Variants in ABCB11 observed in about 807,000 individuals in gnomAD.
ABCB11 encodes bile salt export pump.
In ABCB11, 95 loss-of-function variants were observed where a neutral mutation model predicts 148.0. That is an observed-to-expected ratio of 0.64 (90% CI 0.54 to 0.76). The LOEUF is 0.76. Among genes scored for constraint, ABCB11 ranks in the 30% least tolerant of loss-of-function variants. ABCB11 has a pLI of 0.00. For missense variants in ABCB11, 1,523 were observed against 1,617.8 expected, an observed-to-expected ratio of 0.94 and a Z score of 1.01; for synonymous variants, 591 against 555.4, an observed-to-expected ratio of 1.06 and a Z score of -0.90.
rs984516841 is a variant in ABCB11, at chr2:169,029,860, C to T, written c.-28+1365G>A. On this transcript the variant is annotated intron_variant, in intron 1 of 27. Coordinates refer to ENST00000650372, the MANE Select transcript of ABCB11 (RefSeq NM_003742.4). ...GGTTCACGCCATTCTCCTGCCTCAG[C>T]CTCCCGAGTAGCTGGGACTACAGGC... Among the ~76,000 whole-genome samples, 6 of 145,102 alleles carry T rather than the reference C, an allele frequency of 4.1e-5. 1 individual carries two copies. Among genetic ancestry groups the T allele is most frequent in the Non-Finnish European group, 9.0e-5 (6 of 66,500 alleles).
chr2:168,990,877 C>T lies in ABCB11; in HGVS notation c.832G>A (p.Gly278Arg). The T allele has an allele frequency of 2.5e-6, 4 of 1,613,222 alleles. No individual in the cohort carries two copies. Among genetic ancestry groups the T allele is most frequent in the Non-Finnish European group, 3.4e-6 (4 of 1,179,404 alleles). ...DYELKAYAKA[G>R]VVADEVISSM... Reference sequence around the variant, plus strand: ...GAAATGACTTCATCAGCCACCACCCCTGCTTTGGCATAGGCCTTCAGCTCA... The same window carrying T: ...GAAATGACTTCATCAGCCACCACCCTTGCTTTGGCATAGGCCTTCAGCTCA... The change falls in exon 9 of 28, where the codon GGG (glycine) becomes AGG (arginine). Residue 278 changes from glycine to arginine, a missense_variant. Physicochemically the swap from Gly to Arg is moderately radical, Grantham distance 125. Coordinates refer to ENST00000650372, the MANE Select transcript of ABCB11 (RefSeq NM_003742.4).
At chr2:168,955,520 G>A (rs959131709) in intron 19 of ABCB11, among the ~76,000 whole-genome samples, 4 of 151,518 alleles carry the variant, frequency 2.6e-5, no homozygotes, top group Non-Finnish European at 5.9e-5. Flanking sequence ...AACAGCAAGG[G>A]GGAAATCTCC....
chr2:169,023,364 G>C (rs769399805), intron 1 of ABCB11, among the ~76,000 whole-genome samples: 5 of 152,230 alleles, frequency 3.3e-5, no homozygotes, highest in South Asian at 2.1e-4. Flanking sequence ...TTCCAGATAA[G>C]GGCACTAAAG....
At chr2:168,936,135 A>G in intron 22 of ABCB11, 95 bp downstream of exon 22, 1 of 1,227,956 alleles carries the variant, frequency 8.1e-7, no homozygotes, top group Non-Finnish European at 1.1e-6. Context: ...GTGGGCTGAC[A>G]GCTTCCTTCA....
At chr2:168,976,318 C>A (rs150738648) in intron 12 of ABCB11, among the ~76,000 whole-genome samples, 1 of 152,082 alleles carries the variant, frequency 6.6e-6, no homozygotes, top group Non-Finnish European at 1.5e-5. Flanking sequence ...TTCAACAGAG[C>A]GTCATACAGT....
At chr2:168,987,974 C>G (rs796104959) in intron 9 of ABCB11, among the ~76,000 whole-genome samples, 8 of 151,734 alleles carry the variant, frequency 5.3e-5, no homozygotes, top group African/African-American at 1.9e-4. Flanking sequence ...ACATGCATTA[C>G]CTCACATACT....
At chr2:169,029,095 T>G (rs1695785556) in intron 1 of ABCB11, among the ~76,000 whole-genome samples, 1 of 151,980 alleles carries the variant, frequency 6.6e-6, no homozygotes, top group African/African-American at 2.4e-5. Context: ...CTGTGAATAT[T>G]CTGATCATGT....
In ABCB11 at chr2:168,930,765, C is replaced by T; in HGVS notation, c.3311G>A (p.Ser1104Asn). The T allele has an allele frequency of 1.3e-5, 21 of 1,613,800 alleles. No individual in the cohort carries two copies. Among genetic ancestry groups the T allele is most frequent in the Non-Finnish European group, 1.6e-5 (19 of 1,179,784 alleles). The change falls in exon 25 of 28, where the codon AGT (serine) becomes AAT (asparagine). Residue 1104 changes from serine (S) to asparagine (N), a missense_variant. Physicochemically the swap from Ser to Asn is conservative, Grantham distance 46. Coordinates refer to ENST00000650372, the MANE Select transcript of ABCB11 (RefSeq NM_003742.4). Reference protein sequence around the residue: ...QVLNGLSVSISPGQTLAFVGS... With the variant: ...QVLNGLSVSINPGQTLAFVGS... ...AACAAACGCCAGTGTCTGCCCTGGA[C>T]TAATCGACACTGAGAGACCATTCAG...
intron 7 of ABCB11, among the ~76,000 whole-genome samples, chr2:168,994,129 G>A (rs1694636617): frequency 6.6e-6 from 1 of 151,992 alleles, no homozygotes; most frequent in South Asian, 2.1e-4. Context: ...TGTTGATAAA[G>A]GCTTTTGGAA....
intron 1 of ABCB11, among the ~76,000 whole-genome samples, chr2:169,022,328 T>C (rs182243999): frequency 2.0e-5 from 3 of 151,982 alleles, no homozygotes; most frequent in Admixed American, 6.5e-5. Context: ...TGCAAGTCAA[T>C]AAGACTGTTG....
intron 5 of ABCB11, among the ~76,000 whole-genome samples, chr2:168,998,928 A>T (rs933250517): frequency 3.3e-5 from 5 of 152,098 alleles, no homozygotes; most frequent in Admixed American, 1.3e-4. Flanking sequence ...AACAGAAAAA[A>T]CCTATCAGAA....
intron 5 of ABCB11, among the ~76,000 whole-genome samples, chr2:169,007,429 T>C (rs907183009): frequency 6.6e-6 from 1 of 152,092 alleles, no homozygotes; most frequent in South Asian, 2.1e-4. Context: ...GGGTAACTTA[T>C]AAAGAAAAGA....
intron 18 of ABCB11, among the ~76,000 whole-genome samples, chr2:168,962,663 G>A (rs935025086): frequency 1.3e-5 from 2 of 151,658 alleles, no homozygotes; most frequent in African/African-American, 2.4e-5. Context: ...GTATTGTTAT[G>A]GTTCAATAGA....
chr2:169,016,979 TACACACACACAC>T (rs71397686), intron 2 of ABCB11, among the ~76,000 whole-genome samples, 180 bp from the exon 3 acceptor site: 20 of 138,100 alleles, frequency 1.4e-4, no homozygotes, highest in South Asian at 4.9e-4. Flanking sequence ...TCTATCTTTC[TACACACACACAC>T]ACACACACAC....
intron 5 of ABCB11, among the ~76,000 whole-genome samples, chr2:169,003,638 G>A (rs1485415978): frequency 6.6e-6 from 1 of 152,020 alleles, no homozygotes; most frequent in Non-Finnish European, 1.5e-5. Flanking sequence ...TCAAACGGTA[G>A]ATCTACGTTT....
At chr2:168,919,850 G>T (rs578763), downstream of ABCB11, among the ~76,000 whole-genome samples, 108,825 of 151,710 alleles carry the variant, frequency 0.72, 39,485 homozygotes, top group East Asian at 0.95. Flanking sequence ...GTGTGTGTGT[G>T]TTTTGTTTTG....
downstream of ABCB11, among the ~76,000 whole-genome samples, chr2:168,920,034 T>C (rs1253387056): frequency 6.6e-6 from 1 of 152,084 alleles, no homozygotes; most frequent in African/African-American, 2.4e-5. Context: ...TAATTTTTGC[T>C]TTTCTTTTTT....
chr2:168,917,436 C>G (rs1386946438), downstream of ABCB11, among the ~76,000 whole-genome samples: 1 of 152,126 alleles, frequency 6.6e-6, no homozygotes, highest in Non-Finnish European at 1.5e-5. Flanking sequence ...GGAAGAGGTC[C>G]TCAGGAAGCT....
In ABCB11 at chr2:168,936,411, A is replaced by G; in HGVS notation, c.2633T>C (p.Met878Thr). 1 of 1,613,996 alleles carries G rather than the reference A, an allele frequency of 6.2e-7. No individual in the cohort carries two copies. The highest frequency in any genetic ancestry group is 1.1e-5 in the South Asian group (1 of 91,080). ...VQGAAGSQIG[M>T]IVNSFTNVTV... is the part of the protein sequence containing the mutation. ...GACGTTAGTGAAGGAATTGACTATC[A>G]TCCCGATCTGAGAGCCGGCAGCCTG... The change falls in exon 22 of 28, where the codon ATG (methionine) becomes ACG (threonine). Residue 878 changes from methionine to threonine, a missense_variant. Transcript: ENST00000650372.
Sources: allele counts gnomAD v4.1 joint callset (sites outside exome capture counted in the v4.1 genomes callset), GRCh38; gene constraint gnomAD v4.1.1; transcripts MANE v1.5; gene names NCBI Gene and HGNC (gene_info 2026-07-23, HGNC 2026-07-21).